The following PCSK6 variants were observed in gnomAD, a reference collection of about 807,000 sequenced individuals.
PCSK6 encodes paired basic amino acid cleaving enzyme 4.
PCSK6 carries 85 observed loss-of-function variants against 123.3 expected under a neutral mutation model. That is an observed-to-expected ratio of 0.69 (90% CI 0.58 to 0.83). PCSK6 has a LOEUF of 0.83. Ranked by LOEUF, PCSK6 falls within the 40% of genes least tolerant of loss-of-function variation. PCSK6 has a pLI of 0.00. For missense variants in PCSK6, 1,191 were observed against 1,282.3 expected, an observed-to-expected ratio of 0.93 and a Z score of 1.09; for synonymous variants, 508 against 516.0, an observed-to-expected ratio of 0.98 and a Z score of 0.21.
intron 20 of PCSK6, chr15:101,313,119 T>C (rs2039906387): frequency 7.0e-7 from 1 of 1,432,622 alleles, no homozygotes; most frequent in African/African-American, 1.4e-5. Context: ...CAATGGGGTG[T>C]GAGCACCTTG....
intron 13 of PCSK6, among the ~76,000 whole-genome samples, chr15:101,341,249 T>G (rs1451950716): frequency 1.9e-4 from 9 of 47,078 alleles, no homozygotes; most frequent in Non-Finnish European, 2.7e-4. Context: ...AAGTGTGGGG[T>G]TTTTTTTTTT....
chr15:101,368,196 C>T (rs2141459414), intron 12 of PCSK6, among the ~76,000 whole-genome samples: 1 of 152,270 alleles, frequency 6.6e-6, no homozygotes, highest in South Asian at 2.1e-4. Context: ...CCTGGCAGGA[C>T]CTGCCCTCTA....
At chr15:101,412,712 T>TATATATATATATATATATATATAA (rs376981204) in intron 6 of PCSK6, among the ~76,000 whole-genome samples, 45 of 136,344 alleles carry the variant, frequency 3.3e-4, no homozygotes, top group South Asian at 2.0e-3. Context: ...TATATATATA[T>TATATATATATATATATATATATAA]AAAATTACCC....
At chr15:101,433,315 A>C (rs949055331) in intron 2 of PCSK6, among the ~76,000 whole-genome samples, 1 of 152,226 alleles carries the variant, frequency 6.6e-6, no homozygotes, top group Admixed American at 6.5e-5. Flanking sequence ...CCGTGTACAC[A>C]TTCTTTTCAA....
intron 7 of PCSK6, among the ~76,000 whole-genome samples, chr15:101,395,872 G>T (rs2042397856): frequency 5.3e-5 from 8 of 152,180 alleles, no homozygotes; most frequent in Admixed American, 4.6e-4. Context: ...GAATAACTAG[G>T]TGTGAGAGGA....
intron 2 of PCSK6, among the ~76,000 whole-genome samples, chr15:101,434,038 C>T (rs2056525882): frequency 2.0e-5 from 3 of 152,230 alleles, no homozygotes; most frequent in Admixed American, 2.0e-4. Flanking sequence ...ATAATGGCCG[C>T]TGACAGATAC....
At chr15:101,444,139 G>A (rs1236439549) in intron 1 of PCSK6, among the ~76,000 whole-genome samples, 2 of 152,144 alleles carry the variant, frequency 1.3e-5, no homozygotes, top group African/African-American at 4.8e-5. Context: ...GACAGCCAAA[G>A]AAAACACATG....
chr15:101,438,851 G>A (rs989628510), intron 2 of PCSK6, among the ~76,000 whole-genome samples: 1 of 152,248 alleles, frequency 6.6e-6, no homozygotes, highest in African/African-American at 2.4e-5. Context: ...CAGCCTCTGA[G>A]CAGGCTTCCT....
At chr15:101,450,221 G>A (rs572646142) in intron 1 of PCSK6, among the ~76,000 whole-genome samples, 3 of 151,160 alleles carry the variant, frequency 2.0e-5, no homozygotes, top group South Asian at 4.2e-4. Context: ...CCGTACCACC[G>A]CACTGACACT....
chr15:101,310,442 T>C (rs1034347286), intron 20 of PCSK6, among the ~76,000 whole-genome samples: 12 of 152,190 alleles, frequency 7.9e-5, no homozygotes, highest in African/African-American at 2.9e-4. Context: ...TCCAGGGCAT[T>C]TGACAAATGA....
chr15:101,481,345 C>T (rs898641086), intron 1 of PCSK6, among the ~76,000 whole-genome samples: 3 of 148,470 alleles, frequency 2.0e-5, no homozygotes, highest in Non-Finnish European at 4.5e-5. Context: ...GGCTGAGGGG[C>T]GAACCTGGTG....
chr15:101,339,786 T>C (rs1596201192), intron 13 of PCSK6, among the ~76,000 whole-genome samples: 1 of 152,066 alleles, frequency 6.6e-6, no homozygotes, highest in African/African-American at 2.4e-5. Flanking sequence ...TGGTGTGTCC[T>C]TGTAGTCCTA....
At position 101,378,421 on chromosome 15, in the gene PCSK6, C is replaced by G. The variant is rs565298713; in HGVS notation, c.1532+3671G>C. Among the ~76,000 whole-genome samples, 10 of 152,364 alleles carry G rather than the reference C, an allele frequency of 6.6e-5. No homozygotes were observed. In the South Asian group the frequency reaches 2.1e-3, roughly 32 times the overall value. ...CTAGCAAGTCACTCTCTTTTGCTAA[C>G]AGCAGCTGCCATTCAGTTTAAGTGA... On this transcript the variant is annotated intron_variant, in intron 11 of 21. Transcript: ENST00000611716.
chr15:101,434,176 C>T (rs2056529848), intron 2 of PCSK6, among the ~76,000 whole-genome samples: 2 of 152,334 alleles, frequency 1.3e-5, no homozygotes, highest in African/African-American at 4.8e-5. Context: ...ATGCCGCAAA[C>T]AATATTTCAT....
At chr15:101,473,703 C>A (rs1470083580) in intron 1 of PCSK6, among the ~76,000 whole-genome samples, 2 of 152,132 alleles carry the variant, frequency 1.3e-5, no homozygotes, top group Non-Finnish European at 2.9e-5. Context: ...CATGGTGAAA[C>A]CCCATCTCTA....
chr15:101,383,661 T>C (rs28615453), intron 10 of PCSK6, among the ~76,000 whole-genome samples: 12,135 of 152,186 alleles, frequency 0.08, 549 homozygotes, highest in East Asian at 0.14. Flanking sequence ...ACTATCTCAA[T>C]GTCCTCATTG....
chr15:101,429,122 C>A (rs1230001403), intron 5 of PCSK6, among the ~76,000 whole-genome samples: 2 of 152,154 alleles, frequency 1.3e-5, no homozygotes, highest in African/African-American at 2.4e-5. Flanking sequence ...CGGGAGACGC[C>A]CCTCAGCAAG....
chr15:101,434,261 C>T (rs866837715), intron 2 of PCSK6, among the ~76,000 whole-genome samples: 1 of 152,186 alleles, frequency 6.6e-6, no homozygotes, highest in Non-Finnish European at 1.5e-5. Flanking sequence ...AGGGATGTCC[C>T]GCCCTCCTGC....
chr15:101,402,696 A>C (rs986924926), intron 6 of PCSK6, among the ~76,000 whole-genome samples: 2 of 152,258 alleles, frequency 1.3e-5, no homozygotes, highest in African/African-American at 4.8e-5. Context: ...GTCATCAGAG[A>C]AATCCAAAAC....
Sources: allele counts gnomAD v4.1 joint callset (sites outside exome capture counted in the v4.1 genomes callset), GRCh38; gene constraint gnomAD v4.1.1; transcripts MANE v1.5; gene names NCBI Gene and HGNC (gene_info 2026-07-23, HGNC 2026-07-21).